The following MMP16 variants were observed in gnomAD, a reference collection of about 807,000 sequenced individuals.
The protein encoded by MMP16 is matrix metalloproteinase-16.
A neutral mutation model predicts 67.8 loss-of-function variants in MMP16; 12 were observed. The ratio of observed to expected loss-of-function variants is 0.18; its 90% confidence interval spans 0.11 to 0.29. The LOEUF is 0.29. MMP16 is among the 10% of genes least tolerant of loss of function. The probability of loss-of-function intolerance (pLI) is 1.00; values close to 1 mark genes in which losing one functional copy is unlikely to be tolerated. For synonymous variants in MMP16, 249 were observed against 255.9 expected (o/e 0.97, Z 0.26); for missense variants, 475 against 765.7 (o/e 0.62, Z 4.48).
chr8:88,237,510 T>C (rs1030947655), intron 1 of MMP16, among the ~76,000 whole-genome samples: 2 of 151,894 alleles, frequency 1.3e-5, no homozygotes, highest in Non-Finnish European at 2.9e-5. Flanking sequence ...TAGCCGGGCG[T>C]AGTGGCGGGT....
intron 2 of MMP16, among the ~76,000 whole-genome samples, chr8:88,195,617 G>A (rs1484979087): frequency 2.6e-5 from 4 of 152,074 alleles, no homozygotes; most frequent in Non-Finnish European, 5.9e-5. Context: ...TTAAGGCAAG[G>A]GGCATATTAT....
chr8:88,107,305 C>T (rs1332871010), intron 6 of MMP16, among the ~76,000 whole-genome samples: 1 of 150,868 alleles, frequency 6.6e-6, no homozygotes, highest in African/African-American at 2.4e-5. Flanking sequence ...TTTATCAAGT[C>T]TTCTTATAAA....
At position 88,058,880 on chromosome 8, in the gene MMP16, T is replaced by C. The variant is rs1317843847; in HGVS notation, c.1223-2602A>G. Among the ~76,000 whole-genome samples, 1 of 151,872 alleles carries C rather than the reference T, an allele frequency of 6.6e-6. No homozygotes were observed. The highest frequency in any genetic ancestry group is 1.5e-5 in the Non-Finnish European group (1 of 67,934). ...GTGGTTTGGACCAACACAGCAGAAA[T>C]AGAGATGGAAAGGATAAAATAAAGT... On this transcript the variant is annotated intron_variant, in intron 7 of 9. Coordinates refer to ENST00000286614, the MANE Select transcript of MMP16 (RefSeq NM_005941.5). The surrounding 1 kb of genome is among the most constrained non-coding windows in gnomAD (Gnocchi z 4.2).
At chr8:88,107,086 C>G (rs1405828521) in intron 6 of MMP16, among the ~76,000 whole-genome samples, 1 of 151,072 alleles carries the variant, frequency 6.6e-6, no homozygotes, top group Non-Finnish European at 1.5e-5. Context: ...TGGGAATTTA[C>G]TTAGATTTTT....
At chr8:88,253,279 T>G (rs1381559134) in intron 1 of MMP16, among the ~76,000 whole-genome samples, 1 of 152,106 alleles carries the variant, frequency 6.6e-6, no homozygotes, top group African/African-American at 2.4e-5. Context: ...ATCCTAGGGG[T>G]AGAACATAAC....
At chr8:88,325,664 C>G (rs553226987) in intron 1 of MMP16, among the ~76,000 whole-genome samples, 6 of 152,172 alleles carry the variant, frequency 3.9e-5, no homozygotes, top group Non-Finnish European at 7.4e-5. Flanking sequence ...TCTGGACTTT[C>G]AAGCCCCTTT....
At chr8:88,092,421 C>A (rs1402271628) in intron 6 of MMP16, among the ~76,000 whole-genome samples, 1 of 151,854 alleles carries the variant, frequency 6.6e-6, no homozygotes, top group African/African-American at 2.4e-5. Flanking sequence ...CCACATATCT[C>A]AACTCTTAGC....
At position 88,154,409 on chromosome 8, in the gene MMP16, C is replaced by T. The variant is rs1463241892; in HGVS notation, c.709+13260G>A. The stretch of plus-strand genomic sequence containing the variant: ...TATAAATCATGCTGCTATAAAGACA[C>T]ATGCACACGTATGTTTATTGCGGCA... On this transcript the variant is annotated intron_variant, in intron 4 of 9. Coordinates refer to ENST00000286614, the MANE Select transcript of MMP16 (RefSeq NM_005941.5). Among the ~76,000 whole-genome samples the T allele has an allele frequency of 2.1e-5, 3 of 140,146 alleles. No homozygotes were observed. In the East Asian group the frequency reaches 6.3e-4, roughly 29 times the overall value. 91.9% of individuals were successfully genotyped at this position (140,146 alleles called of 152,430 possible).
intron 4 of MMP16, among the ~76,000 whole-genome samples, chr8:88,140,393 A>G (rs2118499837): frequency 6.6e-6 from 1 of 152,306 alleles, no homozygotes. Context: ...ACGTAGCATC[A>G]CTTCTACCAC....
At chr8:88,246,064 G>A (rs1310843954) in intron 1 of MMP16, among the ~76,000 whole-genome samples, 4 of 152,066 alleles carry the variant, frequency 2.6e-5, no homozygotes, top group Admixed American at 2.6e-4. Context: ...AGCTAAGGAT[G>A]TTATGGGGTA....
chr8:88,106,051 G>GTGTATA (rs993318577), intron 6 of MMP16, among the ~76,000 whole-genome samples: 19 of 145,428 alleles, frequency 1.3e-4, no homozygotes, highest in African/African-American at 3.5e-4. Context: ...TACACGTTAT[G>GTGTATA]TATATATATA....
chr8:88,183,723 T>G (rs1486169470), intron 3 of MMP16, among the ~76,000 whole-genome samples: 1 of 141,670 alleles, frequency 7.1e-6, no homozygotes, highest in African/African-American at 2.6e-5. Flanking sequence ...TTTTTTTTTT[T>G]TTTTTTTTTG....
At chr8:88,314,360 C>G (rs1456974376) in intron 1 of MMP16, among the ~76,000 whole-genome samples, 1 of 152,152 alleles carries the variant, frequency 6.6e-6, no homozygotes, top group African/African-American at 2.4e-5. Flanking sequence ...TTTAAATATA[C>G]AGAATTTTCT....
chr8:88,183,753 T>G (rs1342955572), intron 3 of MMP16, among the ~76,000 whole-genome samples: 1 of 147,742 alleles, frequency 6.8e-6, no homozygotes, highest in Non-Finnish European at 1.5e-5. Context: ...TTCACTCTTG[T>G]CATCCAGGCT....
intron 1 of MMP16, among the ~76,000 whole-genome samples, chr8:88,219,237 T>C (rs1251746173): frequency 6.6e-6 from 1 of 151,924 alleles, no homozygotes; most frequent in Non-Finnish European, 1.5e-5. Flanking sequence ...ACATTTTCAA[T>C]AAACACTGGA....
intron 1 of MMP16, among the ~76,000 whole-genome samples, chr8:88,220,515 A>C (rs903424286): frequency 6.6e-5 from 10 of 151,078 alleles, no homozygotes; most frequent in African/African-American, 2.4e-4. Flanking sequence ...GTTCACATTC[A>C]GATTGTATGT....
At chr8:88,149,054 G>C (rs981917720) in intron 4 of MMP16, among the ~76,000 whole-genome samples, 2 of 152,224 alleles carry the variant, frequency 1.3e-5, no homozygotes, top group Non-Finnish European at 2.9e-5. Context: ...CCTGGGAAGC[G>C]CAAGGGGTCA....
intron 2 of MMP16, among the ~76,000 whole-genome samples, chr8:88,189,164 G>T (rs545304362): frequency 3.9e-5 from 6 of 152,226 alleles, no homozygotes; most frequent in Non-Finnish European, 7.4e-5. Flanking sequence ...ATAAAAGAAA[G>T]TATGGATTAG....
intron 1 of MMP16, among the ~76,000 whole-genome samples, 173 bp from the exon 2 acceptor site, chr8:88,197,479 A>T (rs1809275488): frequency 6.6e-6 from 1 of 152,194 alleles, no homozygotes; most frequent in South Asian, 2.1e-4. Flanking sequence ...AGGTTATTTT[A>T]ATATAATTGC....
Sources: allele counts gnomAD v4.1 joint callset (sites outside exome capture counted in the v4.1 genomes callset), GRCh38; gene constraint gnomAD v4.1.1; non-coding constraint Gnocchi (gnomAD v3.1); transcripts MANE v1.5; gene names NCBI Gene and HGNC (gene_info 2026-07-23, HGNC 2026-07-21).